RNF11: variants seen among roughly 807,000 people sequenced by gnomAD.
RNF11 encodes the protein ring finger protein 11.
RNF11 carries 4 observed loss-of-function variants against 15.8 expected under a neutral mutation model. The ratio of observed to expected loss-of-function variants is 0.25; its 90% CI spans 0.12 to 0.58. RNF11 has a LOEUF of 0.58. Among genes scored for constraint, RNF11 ranks in the 20% least tolerant of loss-of-function variants. The pLI, the probability that RNF11 is intolerant of heterozygous loss-of-function variation, is 0.91. For synonymous variants in RNF11, 68 were observed against 72.3 expected, an observed-to-expected ratio of 0.94 and a Z score of 0.30; for missense variants, 139 against 194.4, an observed-to-expected ratio of 0.71 and a Z score of 1.70.
intron 1 of RNF11, among the ~76,000 whole-genome samples, chr1:51,254,087 T>C (rs72896495): frequency 0.022 from 3,296 of 152,324 alleles, 106 homozygotes; most frequent in African/African-American, 0.067. Context: ...TGTTCCACAA[T>C]AAAGCATACC....
intron 1 of RNF11, among the ~76,000 whole-genome samples, chr1:51,266,994 T>G (rs751058697): frequency 6.6e-6 from 1 of 152,158 alleles, no homozygotes; most frequent in Non-Finnish European, 1.5e-5. Flanking sequence ...TCACCTGTAA[T>G]CTCAGCACTT....
chr1:51,268,621 G>A (rs1646965488), intron 1 of RNF11, among the ~76,000 whole-genome samples: 1 of 152,152 alleles, frequency 6.6e-6, no homozygotes, highest in South Asian at 2.1e-4. Flanking sequence ...TGTTTGTTAG[G>A]TTCAAGGATT....
intron 1 of RNF11, among the ~76,000 whole-genome samples, chr1:51,243,144 A>T (rs1053832720): frequency 6.6e-6 from 1 of 151,938 alleles, no homozygotes; most frequent in Non-Finnish European, 1.5e-5. Flanking sequence ...TTGCTTTAAC[A>T]GTTGTTTCTC....
intron 1 of RNF11, among the ~76,000 whole-genome samples, chr1:51,241,370 G>T (rs1183122479): frequency 6.6e-6 from 1 of 152,158 alleles, no homozygotes; most frequent in Non-Finnish European, 1.5e-5. Flanking sequence ...CCACTTCCTG[G>T]TCTCAAAGGA....
chr1:51,260,876 A>C (rs751433341), intron 1 of RNF11, among the ~76,000 whole-genome samples: 3 of 152,204 alleles, frequency 2.0e-5, no homozygotes, highest in Non-Finnish European at 4.4e-5. Context: ...TGAATAAACT[A>C]TTCTGGGGTT....
chr1:51,248,330 C>T (rs887900655), intron 1 of RNF11, among the ~76,000 whole-genome samples: 2 of 151,700 alleles, frequency 1.3e-5, no homozygotes, highest in Non-Finnish European at 2.9e-5. Context: ...GCCTCAGCCT[C>T]CCGGGTAGCT....
intron 1 of RNF11, among the ~76,000 whole-genome samples, chr1:51,243,824 A>G (rs1646840693): frequency 3.3e-5 from 5 of 152,156 alleles, no homozygotes. Context: ...ATACTTTTTC[A>G]GCTCTTCATA....
At chr1:51,254,689 C>T (rs1446617433) in intron 1 of RNF11, among the ~76,000 whole-genome samples, 1 of 152,094 alleles carries the variant, frequency 6.6e-6, no homozygotes, top group African/African-American at 2.4e-5. Context: ...TCTCGAACTC[C>T]CAGACTCAAG....
intron 1 of RNF11, among the ~76,000 whole-genome samples, chr1:51,246,980 A>T (rs942465699): frequency 8.7e-6 from 1 of 114,740 alleles, no homozygotes; most frequent in Non-Finnish European, 1.7e-5. Context: ...CTTATCTCTT[A>T]AAAAAAAAAA....
chr1:51,244,523 A>G (rs1257291969), intron 1 of RNF11, among the ~76,000 whole-genome samples: 1 of 152,084 alleles, frequency 6.6e-6, no homozygotes, highest in Non-Finnish European at 1.5e-5. Flanking sequence ...AGTAGCTGGG[A>G]CTACAGGTGC....
intron 2 of RNF11, 123 bp downstream of exon 2, chr1:51,270,248 C>T: frequency 1.5e-6 from 1 of 675,322 alleles, no homozygotes; most frequent in Non-Finnish European, 2.5e-6. Flanking sequence ...TCGCTTAATG[C>T]AAGAGAATGT....
At chr1:51,245,376 C>T (rs777624084) in intron 1 of RNF11, among the ~76,000 whole-genome samples, 4 of 152,070 alleles carry the variant, frequency 2.6e-5, no homozygotes, top group Admixed American at 1.3e-4. Flanking sequence ...TGGTCTCAAA[C>T]TCCTGAACTC....
chr1:51,237,454 A>G (rs1416198145), intron 1 of RNF11, among the ~76,000 whole-genome samples: 2 of 147,566 alleles, frequency 1.4e-5, no homozygotes, highest in Non-Finnish European at 3.0e-5. Flanking sequence ...ATATATATAT[A>G]TATATATATG....
chr1:51,261,593 G>A (rs911975909), intron 1 of RNF11, among the ~76,000 whole-genome samples: 1 of 152,176 alleles, frequency 6.6e-6, no homozygotes, highest in Non-Finnish European at 1.5e-5. Context: ...AGGATGGAGT[G>A]CAGTGGCACG....
chr1:51,265,108 C>T (rs547165297), intron 1 of RNF11: 1 of 152,402 alleles, frequency 6.6e-6, no homozygotes, highest in East Asian at 1.9e-4. Context: ...AGGTGGATCA[C>T]TTGAGGCCAG....
At position 51,273,175 on chromosome 1, in the gene RNF11, G is replaced by A. The variant is rs1317709488; in HGVS notation, c.*1853G>A. ...CTTGTGTTTTCTACTTAAACATAAT[G>A]TCTGTGTCATCAAGTATTATAGTCA... On this transcript the variant is annotated 3_prime_UTR_variant, in exon 3 of 3. Transcript: ENST00000242719. 1.3e-5 allele frequency: 2 copies of A among 152,096 alleles called. No homozygotes were observed. The highest frequency in any genetic ancestry group is 2.9e-5 in the Non-Finnish European group (2 of 67,988). The allele number at this position is 152,096 out of a possible 1,614,324, so 9.4% of individuals were successfully genotyped here. A position where few individuals can be genotyped will look rare whatever the true frequency, so the allele number is the denominator to read the frequency against.
rs1368428068 is a variant in RNF11 at position 51,236,883 on chromosome 1, G to T, written c.123+4G>T. ...GGAGCCGCCGCCGCCATATCAGGTA[G>T]GGGAGGGTGTGTGTTGGGGGGAGCG... On this transcript the variant is annotated splice_donor_region_variant and intron_variant, in intron 1 of 2. Transcript: ENST00000242719. 2 of 1,609,600 alleles carry T rather than the reference G, an allele frequency of 1.2e-6. No individual in the cohort carries two copies. The highest frequency in any genetic ancestry group is 3.4e-5 in the Admixed American group (2 of 59,348).
chr1:51,250,801 A>G, intron 1 of RNF11: 3 of 1,420,570 alleles, frequency 2.1e-6, no homozygotes, highest in Admixed American at 1.7e-5. Context: ...GTGCAGCCCC[A>G]GGCTGAGGTG....
chr1:51,261,323 T>A (rs1172399807), intron 1 of RNF11, among the ~76,000 whole-genome samples: 1 of 152,028 alleles, frequency 6.6e-6, no homozygotes, highest in African/African-American at 2.4e-5. Flanking sequence ...TTCATTGGAC[T>A]GCATAAGGTT....
Sources: gnomAD v4.1 joint callset for allele counts (sites outside exome capture counted in the v4.1 genomes callset) on GRCh38, gnomAD v4.1.1 for gene constraint, MANE v1.5 for transcripts, NCBI Gene and HGNC (gene_info 2026-07-23, HGNC 2026-07-21) for gene names.